The following TTC23 variants were observed in gnomAD, a reference collection of about 807,000 sequenced individuals.
TTC23 encodes the protein tetratricopeptide repeat domain 23, also known as tetratricopeptide repeat protein 23.
TTC23 carries 58 observed loss-of-function variants against 55.1 expected under a neutral mutation model. That is an observed-to-expected ratio of 1.05 (90% confidence interval 0.85 to 1.31). The LOEUF (loss-of-function observed/expected upper bound fraction) is 1.31, where lower values mean the gene tolerates loss of function less well. Among genes scored for constraint, TTC23 ranks in the 50% most tolerant of loss-of-function variants. The pLI is 0.00. For missense variants in TTC23, 516 were observed against 534.4 expected, an observed-to-expected ratio of 0.97 and a Z score of 0.34; for synonymous variants, 203 against 199.9, an observed-to-expected ratio of 1.02 and a Z score of -0.13.
At chr15:99,203,752 T>C (rs888183038) in intron 8 of TTC23, among the ~76,000 whole-genome samples, 2 of 152,050 alleles carry the variant, frequency 1.3e-5, no homozygotes, top group Non-Finnish European at 2.9e-5. Context: ...GAAAATGTGA[T>C]ATTTTCTGTG....
At chr15:99,143,861 T>C (rs1200978512) in intron 12 of TTC23, among the ~76,000 whole-genome samples, 1 of 152,190 alleles carries the variant, frequency 6.6e-6, no homozygotes, top group Non-Finnish European at 1.5e-5. Context: ...CACAAGCCGA[T>C]GCAGCAGTTG....
At chr15:99,208,145 A>G (rs1212560070) in intron 8 of TTC23, among the ~76,000 whole-genome samples, 1 of 152,196 alleles carries the variant, frequency 6.6e-6, no homozygotes, top group Non-Finnish European at 1.5e-5. Flanking sequence ...AAAAGACTAG[A>G]GCTGGATTAT....
Position 99,210,526 on chromosome 15 carries a change from G to A in TTC23, c.581+8062C>T, listed in dbSNP as rs1029821288. Among the ~76,000 whole-genome samples, 4 of 152,308 alleles carry A rather than the reference G, an allele frequency of 2.6e-5. No individual in the cohort carries two copies. In the South Asian group the frequency reaches 8.3e-4, roughly 32 times the overall value. On this transcript the variant is annotated intron_variant, in intron 8 of 13. Coordinates refer to ENST00000394132, the MANE Select transcript of TTC23 (RefSeq NM_001288615.3). ...TGTCCCACAGGAGCAGCTGACAGGA[G>A]AAACATGTCTGCTGGAGAAGAGCAG... is the stretch of plus-strand genomic sequence containing the variant.
At chr15:99,172,726 A>G (rs1299534109) in intron 10 of TTC23, among the ~76,000 whole-genome samples, 1 of 152,238 alleles carries the variant, frequency 6.6e-6, no homozygotes, top group Non-Finnish European at 1.5e-5. Context: ...GGTGAGAACC[A>G]TTGCTGGTAT....
chr15:99,226,610 C>G (rs1247547470), intron 5 of TTC23, among the ~76,000 whole-genome samples: 2 of 152,202 alleles, frequency 1.3e-5, no homozygotes. Flanking sequence ...CTGACAGCCT[C>G]TCTCACTATA....
intron 12 of TTC23, among the ~76,000 whole-genome samples, chr15:99,151,722 G>A (rs541082474): frequency 5.3e-5 from 8 of 152,256 alleles, no homozygotes; most frequent in South Asian, 4.1e-4. Flanking sequence ...TGTGCCATTC[G>A]CTTCCAAACA....
intron 5 of TTC23, chr15:99,228,316 C>T (rs1049422050): frequency 7.6e-6 from 3 of 393,608 alleles, no homozygotes; most frequent in Admixed American, 4.1e-5. Context: ...GCACACAGTG[C>T]GAGCTCAACA....
rs552120937 is a variant in TTC23 at position 99,165,861 on chromosome 15, C to T, written c.866-3994G>A. 2.0e-5 allele frequency among the ~76,000 whole-genome samples: 3 copies of T among 152,260 alleles called. No individual in the cohort carries two copies. In the South Asian group the frequency reaches 6.2e-4, roughly 32 times the overall value. On this transcript the variant is annotated intron_variant, in intron 10 of 13. Transcript: ENST00000394132. Reference sequence around the variant, plus strand: ...AATTTTATTGATTATAAAAGCATTACAGAGATGAACATTCATGTCTAAAAT... The same window carrying T: ...AATTTTATTGATTATAAAAGCATTATAGAGATGAACATTCATGTCTAAAAT...
intron 5 of TTC23, among the ~76,000 whole-genome samples, chr15:99,222,280 T>C (rs977686464): frequency 6.6e-6 from 1 of 152,136 alleles, no homozygotes; most frequent in Non-Finnish European, 1.5e-5. Flanking sequence ...TATGTGTGTG[T>C]GTGTATGAGA....
At chr15:99,204,122 A>T (rs998822683) in intron 8 of TTC23, among the ~76,000 whole-genome samples, 5 of 152,256 alleles carry the variant, frequency 3.3e-5, no homozygotes, top group African/African-American at 1.2e-4. Flanking sequence ...ACAGTGTATG[A>T]GTGTCCCCCT....
intron 9 of TTC23, among the ~76,000 whole-genome samples, chr15:99,178,650 C>T (rs1475405972): frequency 6.6e-6 from 1 of 152,178 alleles, no homozygotes; most frequent in African/African-American, 2.4e-5. Flanking sequence ...ACAGACACTG[C>T]CCCTCACTAG....
At chr15:99,218,801 A>C in intron 7 of TTC23, 88 bp from the exon 8 acceptor site, 1 of 1,598,110 alleles carries the variant, frequency 6.3e-7, no homozygotes, top group Non-Finnish European at 8.5e-7. Flanking sequence ...TTCCAATCAC[A>C]CTTCCTAAGT....
chr15:99,138,002 T>G lies in TTC23; in HGVS notation c.*8A>C. On this transcript the variant is annotated 3_prime_UTR_variant, in exon 14 of 14. Transcript: ENST00000394132. ...AGGAATGTCCTAGGCTTTTTCAGGG[T>G]GGGGGCCTCAGTCTGCTGTTGTGCC... 1.9e-6 allele frequency: 3 copies of G among 1,613,958 alleles called. No homozygotes were observed. Among genetic ancestry groups the G allele is most frequent in the Non-Finnish European group, 2.5e-6 (3 of 1,179,976 alleles).
intron 10 of TTC23, among the ~76,000 whole-genome samples, chr15:99,167,668 T>C (rs1329767915): frequency 6.6e-6 from 1 of 152,208 alleles, no homozygotes; most frequent in Non-Finnish European, 1.5e-5. Flanking sequence ...GCAAGAGGAA[T>C]GCAGGACTGC....
At chr15:99,150,743 G>T (rs2069609880) in intron 12 of TTC23, among the ~76,000 whole-genome samples, 1 of 152,210 alleles carries the variant, frequency 6.6e-6, no homozygotes, top group African/African-American at 2.4e-5. Flanking sequence ...AAAGCAGGTG[G>T]AGGGCTGCAT....
intron 11 of TTC23, among the ~76,000 whole-genome samples, chr15:99,156,822 A>T (rs111880948): frequency 1.3e-5 from 2 of 152,206 alleles, no homozygotes; most frequent in Non-Finnish European, 2.9e-5. Flanking sequence ...GAATGTGAGG[A>T]AAGGTGTAAA....
intron 3 of TTC23, among the ~76,000 whole-genome samples, chr15:99,235,389 T>C (rs900794813): frequency 6.6e-6 from 1 of 151,410 alleles, no homozygotes; most frequent in Non-Finnish European, 1.5e-5. Flanking sequence ...TTTTTGTTTT[T>C]GAGACGGAGT....
intron 12 of TTC23, among the ~76,000 whole-genome samples, chr15:99,150,266 C>T (rs369621641): frequency 1.6e-3 from 245 of 152,298 alleles, no homozygotes; most frequent in African/African-American, 5.6e-3. Flanking sequence ...CTCTTGTCTC[C>T]ATTCTTGGTC....
At chr15:99,190,026 C>CA (rs951434693) in intron 9 of TTC23, among the ~76,000 whole-genome samples, 1 of 151,830 alleles carries the variant, frequency 6.6e-6, no homozygotes, top group African/African-American at 2.4e-5. Flanking sequence ...AAAAAATATA[C>CA]AAAAATTAGC....
Sources: gnomAD v4.1 joint callset for allele counts (sites outside exome capture counted in the v4.1 genomes callset) on GRCh38, gnomAD v4.1.1 for gene constraint, MANE v1.5 for transcripts, NCBI Gene and HGNC (gene_info 2026-07-23, HGNC 2026-07-21) for gene names.